Variants in PRUNE2 observed in about 807,000 individuals in gnomAD.
PRUNE2 encodes protein prune homolog 2.
Under a neutral mutation model 252.0 loss-of-function variants are expected in PRUNE2, and 164 were observed. That is an observed-to-expected ratio of 0.65 (90% confidence interval 0.57 to 0.74). The LOEUF is 0.74. Ranked by LOEUF, PRUNE2 falls within the 30% of genes least tolerant of loss-of-function variation. The pLI is 0.00. For synonymous variants in PRUNE2, 1,292 were observed against 1,350.2 expected (o/e 0.96, Z 0.94); for missense variants, 3,495 against 3,711.0 (o/e 0.94, Z 1.51).
In PRUNE2 at chr9:76,629,177, A is replaced by G; in HGVS notation, c.9149+15T>C. On this transcript the variant is annotated intron_variant, in intron 16 of 18. Transcript: ENST00000376718. ...TACTATTTCTTAACACATCTCTGAAACTGTCAGGACTTACTTGATGATGCT... is the reference window on the plus strand; with the variant it reads ...TACTATTTCTTAACACATCTCTGAAGCTGTCAGGACTTACTTGATGATGCT... The G allele has an allele frequency of 6.6e-7, 1 of 1,523,130 alleles. No homozygotes were observed. 94.4% of individuals were successfully genotyped at this position (1,523,130 alleles called of 1,614,324 possible).
intron 6 of PRUNE2, among the ~76,000 whole-genome samples, chr9:76,724,341 G>A (rs1052398212): frequency 2.0e-4 from 30 of 147,946 alleles, no homozygotes; most frequent in Non-Finnish European, 3.6e-4. Flanking sequence ...AGGCATGGTG[G>A]TGCATGCCTG....
Position 76,708,466 on chromosome 9 carries a change from C to T in PRUNE2, c.3808G>A (p.Ala1270Thr), listed in dbSNP as rs766056346. Residue 1270 changes from alanine (A) to threonine (T), a missense_variant, in exon 8 of 19, where the codon GCC becomes ACC. Ala to Thr is a moderately conservative substitution (Grantham distance 58). Coordinates refer to ENST00000376718, the MANE Select transcript of PRUNE2 (RefSeq NM_015225.3). ...KDTHSPDAPA[A>T]SGTSESEALI... The stretch of plus-strand genomic sequence containing the variant: ...GCCTCTGATTCACTGGTTCCAGAGG[C>T]TGCTGGCGCATCTGGGGAATGAGTG... The T allele has an allele frequency of 1.9e-6, 3 of 1,613,952 alleles. No homozygotes were observed. Among genetic ancestry groups the T allele is most frequent in the Admixed American group, 3.3e-5 (2 of 60,006 alleles).
intron 9 of PRUNE2, among the ~76,000 whole-genome samples, chr9:76,697,723 A>G (rs959393292): frequency 7.9e-5 from 12 of 152,218 alleles, no homozygotes; most frequent in African/African-American, 2.7e-4. Flanking sequence ...ACTGGGCTAG[A>G]CAGAGAAGAC....
chr9:76,859,855 A>G (rs371178875), intron 1 of PRUNE2, among the ~76,000 whole-genome samples: 11 of 152,170 alleles, frequency 7.2e-5, no homozygotes, highest in African/African-American at 2.7e-4. Flanking sequence ...AGTGCCCGCC[A>G]CCATGCCCAG....
Position 76,708,753 on chromosome 9 carries a change from G to A in PRUNE2, c.3521C>T (p.Pro1174Leu). 1 of 1,613,932 alleles carries A rather than the reference G, an allele frequency of 6.2e-7. No individual in the cohort carries two copies. Among genetic ancestry groups the A allele is most frequent in the Non-Finnish European group, 8.5e-7 (1 of 1,179,888 alleles). ...ETRFTVRQLEPWGLEYQEANQ... is the reference protein window; with the variant it reads ...ETRFTVRQLELWGLEYQEANQ... ...TGCTTCCTGATACTCCAAGCCCCAG[G>A]GTTCCAGCTGTCTCACTGTAAATCG... The change falls in exon 8 of 19, where the codon CCC (proline) becomes CTC (leucine). Residue 1174 changes from proline to leucine, a missense_variant. Physicochemically the swap from Pro to Leu is moderately conservative, Grantham distance 98. Transcript: ENST00000376718.
chr9:76,724,089 C>A (rs1240993090), intron 6 of PRUNE2, among the ~76,000 whole-genome samples: 1 of 150,856 alleles, frequency 6.6e-6, no homozygotes, highest in Non-Finnish European at 1.5e-5. Flanking sequence ...GCCACCGCAC[C>A]CGGCCAGCAT....
chr9:76,708,037 G>T lies in PRUNE2; in HGVS notation c.4237C>A (p.Arg1413Ser), dbSNP rs759365654. ...GCGGACATCCCTGTTTGCACATCACGGGAGTCTAGATTGTAAGACCCCTCC... is the reference window on the plus strand; with the variant it reads ...GCGGACATCCCTGTTTGCACATCACTGGAGTCTAGATTGTAAGACCCCTCC... ...YEEGSYNLDS[R>S]DVQTGMSADN... Residue 1413 changes from arginine to serine, a missense_variant, in exon 8 of 19, where the codon CGT becomes AGT. Arg to Ser is a moderately radical substitution (Grantham distance 110). Coordinates refer to ENST00000376718, the MANE Select transcript of PRUNE2 (RefSeq NM_015225.3). The T allele has an allele frequency of 1.2e-6, 2 of 1,613,830 alleles. No individual in the cohort carries two copies. The highest frequency in any genetic ancestry group is 1.7e-5 in the Admixed American group (1 of 60,002).
At chr9:76,883,747 G>A (rs1022693946) in intron 1 of PRUNE2, among the ~76,000 whole-genome samples, 5 of 152,180 alleles carry the variant, frequency 3.3e-5, no homozygotes, top group African/African-American at 9.7e-5. Context: ...ATACTGTGGA[G>A]ATTTGCAAAC....
intron 4 of PRUNE2, among the ~76,000 whole-genome samples, chr9:76,838,645 CAAAAAAAAAAA>C (rs10540002): frequency 2.4e-5 from 2 of 84,654 alleles, no homozygotes; most frequent in African/African-American, 7.8e-5. Flanking sequence ...AACTCTGTCT[CAAAAAAAAAAA>C]AAAAAAAAAA....
intron 6 of PRUNE2, among the ~76,000 whole-genome samples, chr9:76,734,745 T>A (rs1024258946): frequency 6.6e-6 from 1 of 152,216 alleles, no homozygotes; most frequent in Non-Finnish European, 1.5e-5. Flanking sequence ...GCTCTAGGTG[T>A]GGCAGGTGAC....
chr9:76,750,185 G>A (rs1385393702), intron 6 of PRUNE2, among the ~76,000 whole-genome samples: 2 of 152,000 alleles, frequency 1.3e-5, no homozygotes, highest in Non-Finnish European at 2.9e-5. Context: ...ACCAATAAGT[G>A]TAAATGTTTC....
chr9:76,660,939 T>A (rs1351868595), intron 9 of PRUNE2, among the ~76,000 whole-genome samples: 1 of 152,006 alleles, frequency 6.6e-6, no homozygotes, highest in African/African-American at 2.4e-5. Flanking sequence ...TAAACTACAC[T>A]TGGGAAAAAT....
chr9:76,815,953 G>T (rs2057663644), intron 6 of PRUNE2, among the ~76,000 whole-genome samples: 1 of 152,058 alleles, frequency 6.6e-6, no homozygotes, highest in South Asian at 2.1e-4. Context: ...CTGAGTTCAG[G>T]AGTTTGAGAC....
chr9:76,900,347 G>C (rs975252020), intron 1 of PRUNE2, among the ~76,000 whole-genome samples: 5 of 152,096 alleles, frequency 3.3e-5, no homozygotes, highest in African/African-American at 1.2e-4. Flanking sequence ...AAACTTTGTG[G>C]GTCTGATTTT....
chr9:76,868,205 G>T (rs4745589), intron 1 of PRUNE2, among the ~76,000 whole-genome samples: 2,468 of 152,256 alleles, frequency 0.016, 102 homozygotes, highest in Admixed American at 0.086. Context: ...GTAAATGGTG[G>T]CATAGGACAT....
chr9:76,773,116 A>G (rs76235008), intron 6 of PRUNE2, among the ~76,000 whole-genome samples: 2,841 of 152,300 alleles, frequency 0.019, 49 homozygotes, highest in Middle Eastern at 0.027. Flanking sequence ...CCTACTTTAT[A>G]TTACTTTAAG....
Position 76,703,515 on chromosome 9 carries a change from T to C in PRUNE2, c.8098A>G (p.Lys2700Glu), listed in dbSNP as rs376293467. The C allele has an allele frequency of 1.2e-6, 2 of 1,613,740 alleles. No individual in the cohort carries two copies. The highest frequency in any genetic ancestry group is 1.7e-6 in the Non-Finnish European group (2 of 1,179,872). ...CCAGCCCTGCCTCGGCTCTTACTCT[T>C]CTGTGATTGGCTGACTGGACCAGAG... ...EASGPVSQSQKSKSRGRAGPD... is the reference protein window; with the variant it reads ...EASGPVSQSQESKSRGRAGPD... The change falls in exon 9 of 19, where the codon AAG becomes GAG. Residue 2700 changes from lysine to glutamate, a missense_variant. Lys to Glu is a moderately conservative substitution (Grantham distance 56, BLOSUM62 1). Coordinates refer to ENST00000376718, the MANE Select transcript of PRUNE2 (RefSeq NM_015225.3).
chr9:76,896,983 T>C (rs1470866747), intron 1 of PRUNE2, among the ~76,000 whole-genome samples: 2 of 152,216 alleles, frequency 1.3e-5, no homozygotes, highest in African/African-American at 2.4e-5. Flanking sequence ...CAATCGTTTA[T>C]CAGTTAATTT....
intron 10 of PRUNE2, among the ~76,000 whole-genome samples, chr9:76,652,945 C>T (rs1017748256): frequency 6.6e-6 from 1 of 152,098 alleles, no homozygotes; most frequent in Non-Finnish European, 1.5e-5. Flanking sequence ...GTAAGGGATA[C>T]TTAACCTATA....
Sources: allele counts gnomAD v4.1 joint callset (sites outside exome capture counted in the v4.1 genomes callset), GRCh38; gene constraint gnomAD v4.1.1; transcripts MANE v1.5; gene names NCBI Gene and HGNC (gene_info 2026-07-23, HGNC 2026-07-21).